The following INPP4B variants were observed in gnomAD, a reference collection of about 807,000 sequenced individuals.
INPP4B encodes the protein inositol polyphosphate-4-phosphatase type II B, also known as inositol polyphosphate 4-phosphatase type II.
A neutral mutation model predicts 122.5 loss-of-function variants in INPP4B; 55 were observed. That is an observed-to-expected ratio of 0.45 (90% CI 0.36 to 0.56). The LOEUF (loss-of-function observed/expected upper bound fraction) is 0.56. Ranked by LOEUF, INPP4B falls within the 20% of genes least tolerant of loss-of-function variation. INPP4B has a pLI of 0.00. For synonymous variants in INPP4B, 403 were observed against 388.7 expected (o/e 1.04, Z -0.43); for missense variants, 1,000 against 1,097.7 (o/e 0.91, Z 1.26).
At chr4:142,588,467 C>T (rs10002937) in intron 2 of INPP4B, among the ~76,000 whole-genome samples, 1,740 of 151,586 alleles carry the variant, frequency 0.011, 33 homozygotes, top group African/African-American at 0.04. Context: ...GGCACTGGTG[C>T]AAGATACAAG....
At chr4:142,571,396 A>G (rs974207186) in intron 2 of INPP4B, among the ~76,000 whole-genome samples, 6 of 152,108 alleles carry the variant, frequency 3.9e-5, no homozygotes, top group Non-Finnish European at 7.4e-5. Context: ...CTATCCATTA[A>G]CTTCCATTTA....
chr4:142,195,112 C>T (rs1486372365), intron 14 of INPP4B, among the ~76,000 whole-genome samples: 1 of 152,138 alleles, frequency 6.6e-6, no homozygotes, highest in Non-Finnish European at 1.5e-5. Flanking sequence ...TATTATTCAG[C>T]CTTTAAAAAG....
At chr4:142,574,590 T>C (rs1733470670) in intron 2 of INPP4B, among the ~76,000 whole-genome samples, 1 of 152,120 alleles carries the variant, frequency 6.6e-6, no homozygotes. Context: ...CTTTCTGTTA[T>C]GCTTTCACTG....
At chr4:142,763,509 A>G (rs1191072728) in intron 1 of INPP4B, among the ~76,000 whole-genome samples, 1 of 152,194 alleles carries the variant, frequency 6.6e-6, no homozygotes, top group African/African-American at 2.4e-5. Context: ...AGGATGGAAG[A>G]GTTTCACCAG....
At chr4:142,688,818 G>T (rs780597677) in intron 2 of INPP4B, among the ~76,000 whole-genome samples, 1 of 152,184 alleles carries the variant, frequency 6.6e-6, no homozygotes, top group Non-Finnish European at 1.5e-5. Flanking sequence ...TAAATTGCTC[G>T]TGGGGATACC....
At chr4:142,802,456 A>G (rs1778124731) in intron 1 of INPP4B, among the ~76,000 whole-genome samples, 1 of 152,176 alleles carries the variant, frequency 6.6e-6, no homozygotes, top group African/African-American at 2.4e-5. Flanking sequence ...TGGCCCAAAG[A>G]ATCACAGAGA....
intron 2 of INPP4B, among the ~76,000 whole-genome samples, chr4:142,520,563 T>C (rs2149916156): frequency 6.6e-6 from 1 of 152,080 alleles, no homozygotes; most frequent in Admixed American, 6.6e-5. Flanking sequence ...TGTATTAAAA[T>C]TGTACCCTTG....
chr4:142,540,332 GTT>G (rs111681875), intron 2 of INPP4B, among the ~76,000 whole-genome samples: 1 of 145,868 alleles, frequency 6.9e-6, no homozygotes, highest in Admixed American at 6.9e-5. Flanking sequence ...GTTTTTTGGG[GTT>G]TTTTTTTTTC....
At chr4:142,545,821 G>GTATATATATATATATATA (rs70949172) in intron 2 of INPP4B, among the ~76,000 whole-genome samples, 7 of 111,902 alleles carry the variant, frequency 6.3e-5, no homozygotes, top group South Asian at 3.0e-4. Context: ...ATACATGTGT[G>GTATATATATATATATATA]TATATATATA....
chr4:142,509,548 G>A (rs1384093576), intron 2 of INPP4B, among the ~76,000 whole-genome samples: 1 of 152,118 alleles, frequency 6.6e-6, no homozygotes, highest in Non-Finnish European at 1.5e-5. Context: ...CCCTGCAAAC[G>A]ACATGAACTC....
intron 2 of INPP4B, among the ~76,000 whole-genome samples, chr4:142,594,651 AGG>A (rs1412978961): frequency 6.6e-6 from 1 of 152,016 alleles, no homozygotes; most frequent in African/African-American, 2.4e-5. Flanking sequence ...ATAATTCTGG[AGG>A]ACAATAAAAG....
intron 2 of INPP4B, among the ~76,000 whole-genome samples, chr4:142,483,559 A>T (rs1451188837): frequency 6.6e-6 from 1 of 152,044 alleles, no homozygotes; most frequent in Non-Finnish European, 1.5e-5. Context: ...TTATGGATGC[A>T]TGTAGAGCCT....
At chr4:142,112,860 G>A (rs370930576) in intron 21 of INPP4B, among the ~76,000 whole-genome samples, 178 bp from the exon 22 acceptor site, 5 of 152,034 alleles carry the variant, frequency 3.3e-5, no homozygotes, top group Non-Finnish European at 7.4e-5. Context: ...CATAAAAATT[G>A]TAAGAATTCA....
At chr4:142,712,736 TAATA>T (rs1763269618) in intron 2 of INPP4B, among the ~76,000 whole-genome samples, 1 of 152,164 alleles carries the variant, frequency 6.6e-6, no homozygotes, top group African/African-American at 2.4e-5. Context: ...TTTCCCCTAA[TAATA>T]AATAAGTACT....
At chr4:142,842,635 C>T (rs1487024677) in intron 1 of INPP4B, among the ~76,000 whole-genome samples, 1 of 126,602 alleles carries the variant, frequency 7.9e-6, no homozygotes, top group Non-Finnish European at 1.6e-5. Context: ...ATATAATAAT[C>T]CTAACATAAT....
Position 142,322,159 on chromosome 4 carries a change from C to G in INPP4B, c.373-7397G>C, listed in dbSNP as rs112821906. On this transcript the variant is annotated intron_variant, in intron 7 of 25. Coordinates refer to ENST00000262992, the MANE Select transcript of INPP4B (RefSeq NM_001101669.3). ...TCTTCAGCTTTCTAAAATCTATCAG[C>G]TAGTCTTAGATAACGGTTTTCTAGT... Among the ~76,000 whole-genome samples, 556 of 152,168 alleles carry G rather than the reference C, an allele frequency of 3.7e-3. 1 individual carries two copies. The highest frequency in any genetic ancestry group is 0.013 in the African/African-American group (528 of 41,516).
chr4:142,795,813 ATTAATAAACTGTACC>A (rs1462307829), intron 1 of INPP4B, among the ~76,000 whole-genome samples: 3 of 152,176 alleles, frequency 2.0e-5, no homozygotes, highest in Non-Finnish European at 4.4e-5. Context: ...AATAAATCAG[ATTAATAAACTGTACC>A]TTTAATCAAC....
intron 25 of INPP4B, among the ~76,000 whole-genome samples, chr4:142,059,942 C>T (rs983062949): frequency 6.6e-6 from 1 of 152,182 alleles, no homozygotes; most frequent in Non-Finnish European, 1.5e-5. Flanking sequence ...TAGTAGGAAA[C>T]TCAAGTGAAT....
intron 3 of INPP4B, among the ~76,000 whole-genome samples, chr4:142,432,570 TGAACAGC>T (rs1309971395): frequency 6.6e-6 from 1 of 152,154 alleles, no homozygotes; most frequent in Non-Finnish European, 1.5e-5. Context: ...TAATAAAGCT[TGAACAGC>T]GATCATGCTT....
Sources: gnomAD v4.1 joint callset for allele counts (sites outside exome capture counted in the v4.1 genomes callset) on GRCh38, gnomAD v4.1.1 for gene constraint, MANE v1.5 for transcripts, NCBI Gene and HGNC (gene_info 2026-07-23, HGNC 2026-07-21) for gene names.